Variants in CKAP5 observed in about 807,000 individuals in gnomAD.
The protein encoded by CKAP5 is cytoskeleton-associated protein 5.
In CKAP5, 27 loss-of-function variants were observed where a neutral mutation model predicts 232.8. That is an observed-to-expected ratio of 0.12 (90% confidence interval 0.09 to 0.16). The LOEUF is 0.16. Among genes scored for constraint, CKAP5 ranks in the 10% least tolerant of loss-of-function variants. CKAP5 has a pLI of 1.00. For missense variants in CKAP5, 1,838 were observed against 2,424.7 expected, an observed-to-expected ratio of 0.76 and a Z score of 5.08; for synonymous variants, 785 against 841.1, an observed-to-expected ratio of 0.93 and a Z score of 1.16.
intron 18 of CKAP5, among the ~76,000 whole-genome samples, chr11:46,782,085 A>T (rs1170027079): frequency 1.3e-5 from 2 of 152,068 alleles, no homozygotes; most frequent in African/African-American, 4.8e-5. Context: ...TCAGCCTCCC[A>T]AAGTTCTGGG....
At chr11:46,815,733 G>A (rs1289688903) in intron 4 of CKAP5, among the ~76,000 whole-genome samples, 1 of 152,234 alleles carries the variant, frequency 6.6e-6, no homozygotes, top group South Asian at 2.1e-4. Flanking sequence ...CTTGGGGAAT[G>A]ACTTTCCTTA....
intron 42 of CKAP5, among the ~76,000 whole-genome samples, chr11:46,748,179 A>T (rs1328807279): frequency 6.6e-6 from 1 of 152,038 alleles, no homozygotes; most frequent in East Asian, 1.9e-4. Flanking sequence ...GCTTTTGCTG[A>T]GTGAAAGGGA....
At chr11:46,822,699 C>T (rs1203003088) in intron 1 of CKAP5, among the ~76,000 whole-genome samples, 5 of 142,988 alleles carry the variant, frequency 3.5e-5, no homozygotes, top group East Asian at 4.2e-4. Context: ...TGCAGTGAGC[C>T]GAGATCGCAC....
At chr11:46,843,563 G>T (rs1211277329) in intron 1 of CKAP5, among the ~76,000 whole-genome samples, 1 of 150,828 alleles carries the variant, frequency 6.6e-6, no homozygotes, top group Non-Finnish European at 1.5e-5. Flanking sequence ...AAACCCCATC[G>T]CTACAAAAAC....
chr11:46,816,152 G>A (rs1565750249), intron 4 of CKAP5, 46 bp downstream of exon 4: 2 of 1,508,318 alleles, frequency 1.3e-6, no homozygotes, highest in South Asian at 1.1e-5. Context: ...TGCCAAAAAG[G>A]TTGGGGACTG....
intron 1 of CKAP5, among the ~76,000 whole-genome samples, chr11:46,842,182 C>T (rs931961737): frequency 6.6e-6 from 1 of 152,028 alleles, no homozygotes; most frequent in African/African-American, 2.4e-5. Context: ...AAATGTATGC[C>T]GGGACAACAG....
At chr11:46,830,208 A>G (rs926486283) in intron 1 of CKAP5, among the ~76,000 whole-genome samples, 1 of 152,034 alleles carries the variant, frequency 6.6e-6, no homozygotes, top group African/African-American at 2.4e-5. Flanking sequence ...TTGGGAGTCC[A>G]AGGCAGGCAG....
In CKAP5 at chr11:46,755,033, T is replaced by A; in HGVS notation, c.4724A>T (p.Glu1575Val). The change falls in exon 36 of 44, where the codon GAA becomes GTA. Residue 1575 changes from glutamate (E) to valine (V), a missense_variant. Transcript: ENST00000529230. ...DEVLRQEDKAEAMSGHIDQFL... is the reference protein window; with the variant it reads ...DEVLRQEDKAVAMSGHIDQFL... Reference sequence around the variant, plus strand: ...CTGATCAATATGGCCGGACATGGCTTCAGCTTTGTCTTCCTGTCTCAGGAC... The same window carrying A: ...CTGATCAATATGGCCGGACATGGCTACAGCTTTGTCTTCCTGTCTCAGGAC... The A allele has an allele frequency of 6.2e-7, 1 of 1,613,308 alleles. No individual in the cohort carries two copies. Among genetic ancestry groups the A allele is most frequent in the Non-Finnish European group, 8.5e-7 (1 of 1,179,748 alleles).
At chr11:46,789,985 A>G in intron 15 of CKAP5, 91 bp downstream of exon 15, 1 of 802,510 alleles carries the variant, frequency 1.2e-6, no homozygotes. Context: ...GTTATAAAAC[A>G]CAGCAATTAG....
chr11:46,794,249 G>A (rs113709926), intron 13 of CKAP5, among the ~76,000 whole-genome samples: 2 of 152,264 alleles, frequency 1.3e-5, no homozygotes, highest in African/African-American at 4.8e-5. Context: ...TTGAGCCTAG[G>A]AGTTTGAGAC....
At chr11:46,770,734 T>G (rs2065240342) in intron 25 of CKAP5, 54 bp downstream of exon 25, 1 of 1,541,106 alleles carries the variant, frequency 6.5e-7, no homozygotes, top group Non-Finnish European at 8.9e-7. Flanking sequence ...AGGCCCATGT[T>G]AAATATATTT....
intron 16 of CKAP5, among the ~76,000 whole-genome samples, chr11:46,786,673 C>T (rs899480779): frequency 1.3e-5 from 2 of 152,080 alleles, no homozygotes; most frequent in Admixed American, 6.5e-5. Context: ...GAAGGTCATG[C>T]GAATATTCAA....
chr11:46,842,419 T>C (rs1243486731), intron 1 of CKAP5, among the ~76,000 whole-genome samples: 3 of 152,186 alleles, frequency 2.0e-5, no homozygotes, highest in Non-Finnish European at 2.9e-5. Flanking sequence ...GGCTTTATGA[T>C]GACTAGGACA....
chr11:46,816,539 T>C (rs1592478322), intron 3 of CKAP5, 135 bp from the exon 4 acceptor site: 2 of 643,754 alleles, frequency 3.1e-6, no homozygotes, highest in East Asian at 2.8e-5. Flanking sequence ...TAAATTTATG[T>C]TCAAGAATAT....
Position 46,753,503 on chromosome 11 carries a change from C to T in CKAP5, c.4870-6G>A. On this transcript the variant is annotated splice_polypyrimidine_tract_variant and splice_region_variant and intron_variant, in intron 36 of 43. Coordinates refer to ENST00000529230, the MANE Select transcript of CKAP5 (RefSeq NM_001008938.4). ...AGGCTCTCTATCTGAAACAGCTATC[C>T]AGACATACTTGTGTCAGGGAGGTGT... is the stretch of plus-strand genomic sequence containing the variant. 1 of 1,600,646 alleles carries T rather than the reference C, an allele frequency of 6.2e-7. No homozygotes were observed. Among genetic ancestry groups the T allele is most frequent in the Non-Finnish European group, 8.5e-7 (1 of 1,174,492 alleles).
chr11:46,803,146 C>T (rs1027671646), intron 8 of CKAP5, among the ~76,000 whole-genome samples: 1 of 151,848 alleles, frequency 6.6e-6, no homozygotes, highest in Non-Finnish European at 1.5e-5. Flanking sequence ...CGCCTGTAGT[C>T]CCAGGTACTC....
intron 12 of CKAP5, 106 bp from the exon 13 acceptor site, chr11:46,795,882 G>A (rs779827292): frequency 3.6e-5 from 36 of 987,846 alleles, no homozygotes; most frequent in Non-Finnish European, 5.2e-5. Flanking sequence ...TCAGAGAAAT[G>A]GCCAGGCAAG....
At chr11:46,830,163 C>T (rs1939748034) in intron 1 of CKAP5, among the ~76,000 whole-genome samples, 1 of 151,660 alleles carries the variant, frequency 6.6e-6, no homozygotes, top group African/African-American at 2.4e-5. Flanking sequence ...TAGAGTAGGC[C>T]GGGCACGGTG....
intron 5 of CKAP5, 136 bp from the exon 6 acceptor site, chr11:46,810,010 C>T (rs112347622): frequency 1.2e-6 from 1 of 848,406 alleles, no homozygotes; most frequent in African/African-American, 1.7e-5. Flanking sequence ...CTTACTCTGT[C>T]ACCCAGGCTG....
Sources: gnomAD v4.1 joint callset for allele counts (sites outside exome capture counted in the v4.1 genomes callset) on GRCh38, gnomAD v4.1.1 for gene constraint, MANE v1.5 for transcripts, NCBI Gene and HGNC (gene_info 2026-07-23, HGNC 2026-07-21) for gene names.